ADGRB3: variants seen among roughly 807,000 people sequenced by gnomAD.
The protein encoded by ADGRB3 is brain-specific angiogenesis inhibitor 3.
ADGRB3 carries 37 observed loss-of-function variants against 193.4 expected under a neutral mutation model. The observed-to-expected ratio is 0.19, with a 90% CI of 0.15 to 0.25. ADGRB3 has a LOEUF of 0.25. Among genes scored for constraint, ADGRB3 ranks in the 10% least tolerant of loss-of-function variants. The pLI is 1.00. For missense variants in ADGRB3, 1,637 were observed against 1,852.9 expected, an observed-to-expected ratio of 0.88 and a Z score of 2.14; for synonymous variants, 690 against 644.2, an observed-to-expected ratio of 1.07 and a Z score of -1.08.
rs552986064 is a variant in ADGRB3, at chr6:69,025,813, A to G, written c.2107+7314A>G. ...GAGTTCTTTGATTGCTTCTCATTTC[A>G]TAGAAATTATCTCATGGTATTTACT... On this transcript the variant is annotated intron_variant, in intron 13 of 31. Coordinates refer to ENST00000370598, the MANE Select transcript of ADGRB3 (RefSeq NM_001704.3). Among the ~76,000 whole-genome samples the G allele has an allele frequency of 3.9e-5, 6 of 152,336 alleles. No homozygotes were observed. The South Asian group carries it at 1.0e-3, about 26-fold the overall frequency.
chr6:68,768,167 C>T (rs1298393418), intron 3 of ADGRB3, among the ~76,000 whole-genome samples: 1 of 152,186 alleles, frequency 6.6e-6, no homozygotes, highest in East Asian at 1.9e-4. Flanking sequence ...CACTGACTTT[C>T]TTCACAGGAT....
intron 30 of ADGRB3, among the ~76,000 whole-genome samples, chr6:69,380,932 C>T (rs1193390191): frequency 6.6e-6 from 1 of 151,744 alleles, no homozygotes; most frequent in African/African-American, 2.4e-5. Context: ...CCCCACTGTG[C>T]CATAGAAGAA....
intron 8 of ADGRB3, among the ~76,000 whole-genome samples, chr6:68,959,742 TA>T (rs1562100906): frequency 6.6e-6 from 1 of 152,108 alleles, no homozygotes; most frequent in African/African-American, 2.4e-5. Context: ...TTTGTTTTCA[TA>T]AAAAATAATT....
At chr6:68,824,962 C>A (rs1247832331) in intron 3 of ADGRB3, among the ~76,000 whole-genome samples, 1 of 152,058 alleles carries the variant, frequency 6.6e-6, no homozygotes, top group African/African-American at 2.4e-5. Context: ...CAAAGAAATT[C>A]TCCTGTGTCA....
chr6:69,295,593 C>A (rs1052033796), intron 20 of ADGRB3, among the ~76,000 whole-genome samples: 1 of 152,232 alleles, frequency 6.6e-6, no homozygotes, highest in East Asian at 1.9e-4. Context: ...ATACCATAAA[C>A]CCACCCAATA....
chr6:68,689,739 T>C (rs1160163805), intron 3 of ADGRB3, among the ~76,000 whole-genome samples: 2 of 152,128 alleles, frequency 1.3e-5, no homozygotes, highest in Non-Finnish European at 2.9e-5. Context: ...TAAGGAGCTG[T>C]TAATTTATGT....
At chr6:68,849,039 G>A (rs556392238) in intron 3 of ADGRB3, among the ~76,000 whole-genome samples, 74 of 152,074 alleles carry the variant, frequency 4.9e-4, no homozygotes, top group African/African-American at 1.6e-3. Context: ...TTTTAGGAAA[G>A]GTTAAATGCT....
chr6:68,644,018 CA>C (rs1056600777), intron 3 of ADGRB3, among the ~76,000 whole-genome samples: 15 of 141,202 alleles, frequency 1.1e-4, no homozygotes, highest in South Asian at 9.0e-4. Context: ...AAACAACAAA[CA>C]AAAAAAAAAC....
At chr6:68,952,960 T>C (rs1022884802) in intron 6 of ADGRB3, among the ~76,000 whole-genome samples, 1 of 152,174 alleles carries the variant, frequency 6.6e-6, no homozygotes, top group African/African-American at 2.4e-5. Context: ...AATATATGAA[T>C]TTAAAGTCTC....
rs577475370 is a variant in ADGRB3 at position 69,383,251 on chromosome 6, T to C, written c.4380+316T>C. Among the ~76,000 whole-genome samples the C allele has an allele frequency of 7.2e-5, 11 of 152,154 alleles. No homozygotes were observed. In the East Asian group the frequency reaches 1.5e-3, roughly 21 times the overall value. The stretch of plus-strand genomic sequence containing the variant: ...TTAAAATTAAGTTTCTTTTCAAATA[T>C]CCCTTTGGGTTAATATTTCCATTTT... On this transcript the variant is annotated intron_variant, in intron 31 of 31. Transcript: ENST00000370598.
At chr6:69,104,824 G>T (rs1773164216) in intron 17 of ADGRB3, among the ~76,000 whole-genome samples, 2 of 152,014 alleles carry the variant, frequency 1.3e-5, no homozygotes, top group South Asian at 2.1e-4. Context: ...TTTGTAGTCT[G>T]CTCCAAGGAA....
intron 22 of ADGRB3, among the ~76,000 whole-genome samples, chr6:69,328,985 G>A (rs1432615845): frequency 1.3e-5 from 2 of 151,936 alleles, no homozygotes. Flanking sequence ...AATACAATAA[G>A]TAATGCATTT....
chr6:69,065,838 C>T (rs969625873), intron 16 of ADGRB3, among the ~76,000 whole-genome samples: 2 of 149,176 alleles, frequency 1.3e-5, no homozygotes, highest in African/African-American at 4.9e-5. Context: ...TATCTGCATC[C>T]GTGGATTCAA....
At chr6:68,691,288 T>C (rs979403642) in intron 3 of ADGRB3, among the ~76,000 whole-genome samples, 5 of 152,122 alleles carry the variant, frequency 3.3e-5, no homozygotes, top group African/African-American at 9.6e-5. Context: ...CTTGCTTTTC[T>C]CTGAAATAGC....
chr6:68,936,574 T>A lies in ADGRB3; in HGVS notation c.924T>A (p.Gly308=). Residue 308 remains glycine, a synonymous_variant, in exon 5 of 32, where the codon GGT becomes GGA. Transcript: ENST00000370598. Reference sequence around the variant, plus strand: ...GGAGCACATGTTCGGTTACTTGTGGTCAAGGGTCGCAGGTGCGAACCAGAA... The same window carrying A: ...GGAGCACATGTTCGGTTACTTGTGGACAAGGGTCGCAGGTGCGAACCAGAA... ...SQWSTCSVTC[G]QGSQVRTRTC... The A allele has an allele frequency of 6.2e-7, 1 of 1,614,068 alleles. No individual in the cohort carries two copies. Among genetic ancestry groups the A allele is most frequent in the Non-Finnish European group, 8.5e-7 (1 of 1,179,988 alleles).
intron 17 of ADGRB3, among the ~76,000 whole-genome samples, chr6:69,193,346 C>CT (rs1182067632): frequency 4.6e-5 from 7 of 152,178 alleles, no homozygotes; most frequent in African/African-American, 1.2e-4. Context: ...AAAACAAAAA[C>CT]TTTTTTGTGA....
At chr6:69,086,122 AC>A (rs1455777353) in intron 17 of ADGRB3, among the ~76,000 whole-genome samples, 1 of 152,142 alleles carries the variant, frequency 6.6e-6, no homozygotes, top group Admixed American at 6.5e-5. Context: ...TTTATTGCAG[AC>A]AATATATTTT....
intron 24 of ADGRB3, among the ~76,000 whole-genome samples, chr6:69,333,917 G>A (rs1175122389): frequency 6.2e-5 from 9 of 146,018 alleles, no homozygotes; most frequent in African/African-American, 1.8e-4. Context: ...GCGACAGAGC[G>A]AGACTCTGTC....
chr6:69,205,822 G>T lies in ADGRB3; in HGVS notation c.2481-27468G>T, dbSNP rs563044364. ...ATTTTTAAGAGATGAGTCTCACCTT[G>T]TCACCCAGGCTGGAGTACAGTGGTG... On this transcript the variant is annotated intron_variant, in intron 17 of 31. Coordinates refer to ENST00000370598, the MANE Select transcript of ADGRB3 (RefSeq NM_001704.3). 2.9e-4 allele frequency among the ~76,000 whole-genome samples: 44 copies of T among 151,472 alleles called. No individual in the cohort carries two copies. The South Asian group carries it at 8.8e-3, about 30-fold the overall frequency.
Sources: allele counts gnomAD v4.1 joint callset (sites outside exome capture counted in the v4.1 genomes callset), GRCh38; gene constraint gnomAD v4.1.1; transcripts MANE v1.5; gene names NCBI Gene and HGNC (gene_info 2026-07-23, HGNC 2026-07-21).